The following MGAT5 variants were observed in gnomAD, a reference collection of about 807,000 sequenced individuals.
MGAT5 encodes alpha-1,6-mannosylglycoprotein 6-beta-N-acetylglucosaminyltransferase A.
MGAT5 carries 30 observed loss-of-function variants against 94.3 expected under a neutral mutation model. The observed-to-expected ratio is 0.32, with a 90% CI of 0.24 to 0.43. The LOEUF (loss-of-function observed/expected upper bound fraction) is 0.43. Among genes scored for constraint, MGAT5 ranks in the 20% least tolerant of loss-of-function variants. MGAT5 has a pLI of 1.00. For missense variants in MGAT5, 691 were observed against 905.5 expected, an observed-to-expected ratio of 0.76 and a Z score of 3.04; for synonymous variants, 310 against 322.9, an observed-to-expected ratio of 0.96 and a Z score of 0.43.
intron 13 of MGAT5, 25 bp from the exon 14 acceptor site, chr2:134,428,340 A>G: frequency 6.2e-7 from 1 of 1,609,664 alleles, no homozygotes; most frequent in Non-Finnish European, 8.5e-7. Flanking sequence ...CTTCTCCTTC[A>G]TGGTATCATG....
At chr2:134,133,793 G>C (rs1481086127) in intron 1 of MGAT5, among the ~76,000 whole-genome samples, 4 of 152,132 alleles carry the variant, frequency 2.6e-5, no homozygotes, top group Non-Finnish European at 5.9e-5. Context: ...GTTGTTGATT[G>C]GTCGAAAAAT....
chr2:134,151,787 C>T (rs1412846041), intron 1 of MGAT5, among the ~76,000 whole-genome samples: 1 of 148,948 alleles, frequency 6.7e-6, no homozygotes, highest in African/African-American at 2.5e-5. Flanking sequence ...CTTGGGACCT[C>T]ACTCACTCAT....
Position 134,221,601 on chromosome 2 carries a change from G to A in MGAT5, c.-142-32661G>A, listed in dbSNP as rs147657385. Among the ~76,000 whole-genome samples the A allele has an allele frequency of 6.2e-3, 941 of 152,258 alleles. 14 individuals carry two copies. The highest frequency in any genetic ancestry group is 0.021 in the African/African-American group (889 of 41,544). ...GGAAAGGGGATTCTCTATAGAATGTGGATTTTTCCCACAAGAGACTTTGCA... is the reference window on the plus strand; with the variant it reads ...GGAAAGGGGATTCTCTATAGAATGTAGATTTTTCCCACAAGAGACTTTGCA... On this transcript the variant is annotated intron_variant, in intron 1 of 16. Transcript: ENST00000409645.
intron 1 of MGAT5, among the ~76,000 whole-genome samples, chr2:134,189,272 C>T (rs1399748047): frequency 6.6e-6 from 1 of 152,134 alleles, no homozygotes; most frequent in Non-Finnish European, 1.5e-5. Context: ...GACCAGACTC[C>T]AGCCTGAGTC....
At chr2:134,386,884 G>C (rs1558846824) in intron 10 of MGAT5, among the ~76,000 whole-genome samples, 1 of 152,060 alleles carries the variant, frequency 6.6e-6, no homozygotes, top group Non-Finnish European at 1.5e-5. Flanking sequence ...CTCAAAATAA[G>C]GAAAAGTTGG....
At chr2:134,273,020 T>TGCGCGC (rs756429675) in intron 2 of MGAT5, among the ~76,000 whole-genome samples, 1 of 149,604 alleles carries the variant, frequency 6.7e-6, no homozygotes, top group South Asian at 2.1e-4. Flanking sequence ...TGTGTGTGTG[T>TGCGCGC]GCGCGCGCGC....
chr2:134,130,405 G>C (rs1251767710), intron 1 of MGAT5, among the ~76,000 whole-genome samples: 2 of 152,272 alleles, frequency 1.3e-5, no homozygotes, highest in South Asian at 4.1e-4. Context: ...GGCGCGGGGC[G>C]TGGGATTGGT....
At chr2:134,174,076 C>T (rs1688346556) in intron 1 of MGAT5, among the ~76,000 whole-genome samples, 1 of 152,246 alleles carries the variant, frequency 6.6e-6, no homozygotes, top group African/African-American at 2.4e-5. Context: ...GCATTAGCTT[C>T]TAAGCCCAAA....
intron 10 of MGAT5, among the ~76,000 whole-genome samples, chr2:134,393,938 G>C (rs1001604264): frequency 1.3e-5 from 2 of 151,044 alleles, no homozygotes; most frequent in African/African-American, 4.9e-5. Context: ...CTTATGTGTG[G>C]TGCATTGAAT....
In MGAT5 at chr2:134,419,290, A is replaced by G. The variant is rs529020368; in HGVS notation, c.1678-3513A>G. 2.6e-5 allele frequency among the ~76,000 whole-genome samples: 4 copies of G among 152,306 alleles called. No homozygotes were observed. The South Asian group carries it at 6.2e-4, about 24-fold the overall frequency. ...ACCATGATGTCTACTCAGAGGGAGA[A>G]AAGTTCCGCAAGGCCTTAAGTAATG... On this transcript the variant is annotated intron_variant, in intron 12 of 15. Transcript: ENST00000281923.
At chr2:134,126,285 C>T (rs1466852574) in intron 1 of MGAT5, among the ~76,000 whole-genome samples, 1 of 152,136 alleles carries the variant, frequency 6.6e-6, no homozygotes, top group Non-Finnish European at 1.5e-5. Flanking sequence ...GAGTTAAGTT[C>T]AGTGATAAAG....
intron 1 of MGAT5, among the ~76,000 whole-genome samples, chr2:134,181,717 C>T (rs1688743241): frequency 6.6e-6 from 1 of 152,118 alleles, no homozygotes; most frequent in African/African-American, 2.4e-5. Context: ...CAGATTAGTA[C>T]ACTTCTTACA....
At chr2:134,270,257 G>C in intron 1 of MGAT5, 129 bp from the exon 2 acceptor site, 1 of 885,284 alleles carries the variant, frequency 1.1e-6, no homozygotes, top group South Asian at 1.8e-5. Context: ...TTCAGATGTG[G>C]TTTGACAGAT....
rs186775790 is a variant in MGAT5, at chr2:134,262,806, G to C, written c.242-7580G>C. 2.0e-5 allele frequency among the ~76,000 whole-genome samples: 3 copies of C among 152,276 alleles called. No homozygotes were observed. The East Asian group carries it at 5.8e-4, about 29-fold the overall frequency. ...TAGATCTGACGTTGTTCATTTGTTTGAACACAGGGCTTCAGCAACCTGTTT... is the reference window on the plus strand; with the variant it reads ...TAGATCTGACGTTGTTCATTTGTTTCAACACAGGGCTTCAGCAACCTGTTT... On this transcript the variant is annotated intron_variant, in intron 1 of 15. Transcript: ENST00000281923.
At chr2:134,258,749 C>G (rs762610906) in intron 1 of MGAT5, among the ~76,000 whole-genome samples, 5 of 152,270 alleles carry the variant, frequency 3.3e-5, no homozygotes, top group South Asian at 2.1e-4. Context: ...AGTGGCAGGT[C>G]GAGAGTTGTA....
intron 15 of MGAT5, among the ~76,000 whole-genome samples, chr2:134,446,329 A>G (rs919602289): frequency 1.3e-5 from 2 of 151,666 alleles, no homozygotes; most frequent in Non-Finnish European, 2.9e-5. Flanking sequence ...TGACAATTAT[A>G]TTCCTCGCCA....
intron 14 of MGAT5, among the ~76,000 whole-genome samples, chr2:134,431,592 C>T (rs1473078934): frequency 6.6e-6 from 1 of 152,142 alleles, no homozygotes; most frequent in Non-Finnish European, 1.5e-5. Flanking sequence ...GGAGGTGTTC[C>T]TGGTATGAAC....
At chr2:134,442,823 C>A (rs1685561674) in intron 15 of MGAT5, among the ~76,000 whole-genome samples, 1 of 151,726 alleles carries the variant, frequency 6.6e-6, no homozygotes. Context: ...CCACCCACCA[C>A]CTTAGTAGCT....
At chr2:134,240,362 T>TG (rs980429665) in intron 1 of MGAT5, among the ~76,000 whole-genome samples, 100 of 151,906 alleles carry the variant, frequency 6.6e-4, no homozygotes, top group African/African-American at 2.3e-3. Flanking sequence ...AAAGTGTTTT[T>TG]TTTTTTTTTT....
Sources: allele counts gnomAD v4.1 joint callset (sites outside exome capture counted in the v4.1 genomes callset), GRCh38; gene constraint gnomAD v4.1.1; transcripts MANE v1.5; gene names NCBI Gene and HGNC (gene_info 2026-07-23, HGNC 2026-07-21).